The following VMP1 variants were observed in gnomAD, a reference collection of about 807,000 sequenced individuals.
The protein encoded by VMP1 is ectopic P-granules autophagy protein 3 homolog.
Under a neutral mutation model 56.0 loss-of-function variants are expected in VMP1, and 11 were observed. The ratio of observed to expected loss-of-function variants is 0.20; its 90% confidence interval spans 0.12 to 0.32. The LOEUF is 0.32. Ranked by LOEUF, VMP1 falls within the 10% of genes least tolerant of loss-of-function variation. VMP1 has a pLI of 1.00. For missense variants in VMP1, 296 were observed against 490.3 expected (o/e 0.60, Z 3.74); for synonymous variants, 149 against 165.0 (o/e 0.90, Z 0.74).
At chr17:59,765,189 A>G in intron 6 of VMP1, 51 bp downstream of exon 6, 2 of 1,572,434 alleles carry the variant, frequency 1.3e-6, no homozygotes, top group South Asian at 1.1e-5. Context: ...CCATCTTGAT[A>G]GTGTGTGTAC....
intron 6 of VMP1, among the ~76,000 whole-genome samples, chr17:59,772,142 C>A (rs1399921123): frequency 6.6e-6 from 1 of 151,914 alleles, no homozygotes; most frequent in African/African-American, 2.4e-5. Flanking sequence ...AGTCACGCAC[C>A]ACCATGCCCA....
intron 5 of VMP1, among the ~76,000 whole-genome samples, chr17:59,740,633 G>A (rs774677692): frequency 2.8e-4 from 42 of 152,212 alleles, no homozygotes; most frequent in Middle Eastern, 6.8e-3. Context: ...ATGTTTGCTT[G>A]GTGATTTAAC....
intron 1 of VMP1, among the ~76,000 whole-genome samples, chr17:59,719,745 G>A (rs112715969): frequency 1.4e-4 from 21 of 152,100 alleles, no homozygotes; most frequent in African/African-American, 5.1e-4. Context: ...TAAAATGAAT[G>A]GAGTATTATA....
chr17:59,812,929 C>G (rs2038101836), intron 9 of VMP1, among the ~76,000 whole-genome samples: 1 of 151,692 alleles, frequency 6.6e-6, no homozygotes, highest in Non-Finnish European at 1.5e-5. Flanking sequence ...GACTCTGTCT[C>G]AAAAAAAGAA....
At chr17:59,797,805 G>T (rs1215950461) in intron 7 of VMP1, among the ~76,000 whole-genome samples, 6 of 152,364 alleles carry the variant, frequency 3.9e-5, no homozygotes, top group Non-Finnish European at 7.4e-5. Flanking sequence ...CTTGAACCCG[G>T]GAGTAGGAGG....
In VMP1 at chr17:59,772,768, C is replaced by CA. The variant is rs1209130241; in HGVS notation, c.583-975dup. Among the ~76,000 whole-genome samples the CA allele has an allele frequency of 2.8e-3, 374 of 134,122 alleles. 1 individual carries two copies. Among genetic ancestry groups the CA allele is most frequent in the African/African-American group, 8.0e-3 (294 of 36,526 alleles). The allele number at this position is 134,122 out of a possible 152,430, so 88.0% of individuals were successfully genotyped here. A position where few individuals can be genotyped will look rare whatever the true frequency, so the allele number is the denominator to read the frequency against. On this transcript the variant is annotated intron_variant, in intron 6 of 11. Transcript: ENST00000262291. ...TTCGTGACAGAGTGAGACTTCATCTCAAAAAAAAAAAGAAAAAGAAAACTT... is the reference window on the plus strand; with the variant it reads ...TTCGTGACAGAGTGAGACTTCATCTCAAAAAAAAAAAAGAAAAAGAAAACTT...
chr17:59,811,898 G>A (rs1270865942), intron 9 of VMP1, 112 bp downstream of exon 9: 6 of 775,898 alleles, frequency 7.7e-6, no homozygotes, highest in Non-Finnish European at 1.3e-5. Flanking sequence ...TTTTTGGTTG[G>A]TAGCTTACTT....
At chr17:59,792,597 G>A (rs1374428385) in intron 7 of VMP1, among the ~76,000 whole-genome samples, 1 of 151,770 alleles carries the variant, frequency 6.6e-6, no homozygotes, top group East Asian at 1.9e-4. Flanking sequence ...GGGCACGGTG[G>A]CTCATGCCTG....
In VMP1 at chr17:59,803,353, A is replaced by G. The variant is rs1346183761; in HGVS notation, c.715-5443A>G. Reference sequence around the variant, plus strand: ...TAAGGAATTGCTGTGACTTTTTTTTATTAGTCTTGTAGTGCTTGGGAAAAT... The same window carrying G: ...TAAGGAATTGCTGTGACTTTTTTTTGTTAGTCTTGTAGTGCTTGGGAAAAT... On this transcript the variant is annotated intron_variant, in intron 7 of 11. Transcript: ENST00000262291. Among the ~76,000 whole-genome samples the G allele has an allele frequency of 2.6e-5, 4 of 151,992 alleles. No individual in the cohort carries two copies. The East Asian group carries it at 7.7e-4, about 29-fold the overall frequency.
intron 1 of VMP1, chr17:59,708,049 C>G (rs1367830429): frequency 2.6e-5 from 4 of 152,150 alleles, no homozygotes; most frequent in Non-Finnish European, 5.9e-5. Context: ...TAGAGAACCT[C>G]TTAGTCCCGG....
At chr17:59,781,069 G>C (rs992173117) in intron 7 of VMP1, among the ~76,000 whole-genome samples, 1 of 152,156 alleles carries the variant, frequency 6.6e-6, no homozygotes, top group Admixed American at 6.5e-5. Context: ...AGTTGAAGGG[G>C]TGAGGGAGAA....
At chr17:59,744,092 G>GTT (rs58467769) in intron 5 of VMP1, among the ~76,000 whole-genome samples, 269 of 144,190 alleles carry the variant, frequency 1.9e-3, no homozygotes, top group African/African-American at 6.2e-3. Context: ...TGAGGTTTTT[G>GTT]TTTTTTTTTT....
At chr17:59,837,883 C>G (rs2039031420) in intron 10 of VMP1, 1 of 153,558 alleles carries the variant, frequency 6.5e-6, no homozygotes. Flanking sequence ...CAAACCAGTT[C>G]TTACAGGAAC....
chr17:59,717,322 A>G (rs1240413760), intron 1 of VMP1, among the ~76,000 whole-genome samples: 2 of 152,212 alleles, frequency 1.3e-5, no homozygotes, highest in African/African-American at 4.8e-5. Context: ...TTGGTTATGA[A>G]AAACTGCAGG....
chr17:59,820,965 C>CTTTTTTTTTTTTTTT (rs201428600), intron 10 of VMP1, among the ~76,000 whole-genome samples: 2 of 146,628 alleles, frequency 1.4e-5, no homozygotes, highest in African/African-American at 2.5e-5. Context: ...GTCTTTCTTT[C>CTTTTTTTTTTTTTTT]TTTTTTTTGT....
intron 7 of VMP1, among the ~76,000 whole-genome samples, chr17:59,799,945 CA>C (rs11288012): frequency 0.78 from 85,607 of 110,302 alleles, 31,461 homozygotes; most frequent in South Asian, 0.88. Flanking sequence ...GACTTCCTCT[CA>C]AAAAAAAAAA....
At chr17:59,835,329 G>A (rs1386132337) in intron 10 of VMP1, among the ~76,000 whole-genome samples, 4 of 148,536 alleles carry the variant, frequency 2.7e-5, no homozygotes, top group Non-Finnish European at 6.0e-5. Context: ...GGGTTTCACT[G>A]TGTTGGCCAG....
chr17:59,744,606 A>C (rs1211933872), intron 5 of VMP1, among the ~76,000 whole-genome samples: 1 of 150,816 alleles, frequency 6.6e-6, no homozygotes, highest in African/African-American at 2.4e-5. Flanking sequence ...CCAGGGCAAC[A>C]TAATGAGACC....
chr17:59,749,640 AG>A (rs1490536829), intron 5 of VMP1, among the ~76,000 whole-genome samples: 6 of 151,686 alleles, frequency 4.0e-5, no homozygotes, highest in Non-Finnish European at 7.4e-5. Flanking sequence ...CCTCCCAAGT[AG>A]GTGGGATTAC....
Sources: gnomAD v4.1 joint callset for allele counts (sites outside exome capture counted in the v4.1 genomes callset) on GRCh38, gnomAD v4.1.1 for gene constraint, MANE v1.5 for transcripts, NCBI Gene and HGNC (gene_info 2026-07-23, HGNC 2026-07-21) for gene names.